The following TENM4 variants were observed in gnomAD, a reference collection of about 807,000 sequenced individuals.
TENM4 encodes the protein teneurin transmembrane protein 4.
In TENM4, 82 loss-of-function variants were observed where a neutral mutation model predicts 243.3. The ratio of observed to expected loss-of-function variants is 0.34; its 90% CI spans 0.28 to 0.40. The LOEUF (loss-of-function observed/expected upper bound fraction) is 0.40, where lower values mean the gene tolerates loss of function less well. Among genes scored for constraint, TENM4 ranks in the 10% least tolerant of loss-of-function variants. The probability of loss-of-function intolerance (pLI) is 1.00; values close to 1 mark genes in which losing one functional copy is unlikely to be tolerated. For missense variants in TENM4, 3,138 were observed against 3,673.3 expected, an observed-to-expected ratio of 0.85 and a Z score of 3.77; for synonymous variants, 1,412 against 1,456.3, an observed-to-expected ratio of 0.97 and a Z score of 0.69.
chr11:79,275,558 T>G (rs1205105006), intron 2 of TENM4, among the ~76,000 whole-genome samples: 1 of 152,212 alleles, frequency 6.6e-6, no homozygotes, highest in Non-Finnish European at 1.5e-5. Context: ...TTTCCTCATT[T>G]TCCTGCTAGC....
intron 1 of TENM4, among the ~76,000 whole-genome samples, chr11:79,313,797 C>T (rs1218661398): frequency 2.6e-5 from 4 of 152,126 alleles, no homozygotes; most frequent in African/African-American, 2.4e-5. Context: ...CTGCCTCGGA[C>T]TCATCTCCCC....
intron 3 of TENM4, among the ~76,000 whole-genome samples, chr11:79,151,505 T>C (rs771288896): frequency 3.9e-5 from 6 of 152,174 alleles, no homozygotes; most frequent in Non-Finnish European, 5.9e-5. Flanking sequence ...CTAGAAGTTG[T>C]GGTGTTTGGG....
At chr11:79,383,857 C>A (rs1442897746) in intron 1 of TENM4, among the ~76,000 whole-genome samples, 5 of 152,162 alleles carry the variant, frequency 3.3e-5, no homozygotes, top group Non-Finnish European at 5.9e-5. Context: ...GTGTGTCAAG[C>A]CTTGAACAAG....
chr11:79,115,306 G>A (rs1275714995), intron 4 of TENM4, among the ~76,000 whole-genome samples: 1 of 152,112 alleles, frequency 6.6e-6, no homozygotes, highest in African/African-American at 2.4e-5. Flanking sequence ...CAGAGGAGAG[G>A]GCTGGGGAGG....
Position 78,732,498 on chromosome 11 carries a change from G to C in TENM4, c.2956C>G (p.Leu986Val), listed in dbSNP as rs1458189779. The change falls in exon 21 of 34, where the codon CTG becomes GTG. Residue 986 changes from leucine to valine, a missense_variant. Physicochemically the swap from Leu to Val is conservative, Grantham distance 32. This residue lies in a region of TENM4 where 2,467 missense variants were observed against 3,059.1 expected (regional missense o/e 0.81). Coordinates refer to ENST00000278550, the MANE Select transcript of TENM4 (RefSeq NM_001098816.3). ...AAGAAGCGATCCCATGGCAGCCACA[G>C]GGTGTGCTCCTGTGTGATGAAAGGT... ...RAPFITQEHT[L>V]WLPWDRFFVM... 3 of 1,613,736 alleles carry C rather than the reference G, an allele frequency of 1.9e-6. No individual in the cohort carries two copies.
chr11:78,764,667 G>T, intron 18 of TENM4, among the ~76,000 whole-genome samples: 1 of 152,220 alleles, frequency 6.6e-6, no homozygotes, highest in Admixed American at 6.5e-5. Flanking sequence ...CAGGGAACAT[G>T]CCTGTTAACG....
At chr11:79,427,122 A>C (rs1352594011) in intron 1 of TENM4, among the ~76,000 whole-genome samples, 1 of 152,188 alleles carries the variant, frequency 6.6e-6, no homozygotes, top group Non-Finnish European at 1.5e-5. Context: ...AACTCCCTAC[A>C]CAACACAAGA....
chr11:79,224,901 A>C (rs1331031932), intron 2 of TENM4, among the ~76,000 whole-genome samples: 1 of 151,652 alleles, frequency 6.6e-6, no homozygotes, highest in Non-Finnish European at 1.5e-5. Flanking sequence ...CAGTGAGCAA[A>C]GATTGTGCCA....
At chr11:78,762,338 T>A (rs1392424074) in intron 18 of TENM4, among the ~76,000 whole-genome samples, 2 of 152,236 alleles carry the variant, frequency 1.3e-5, no homozygotes, top group African/African-American at 4.8e-5. Flanking sequence ...GGCCCCTCCC[T>A]ACACGCACAT....
intron 12 of TENM4, among the ~76,000 whole-genome samples, chr11:78,853,035 G>A (rs543596725): frequency 6.6e-6 from 1 of 152,154 alleles, no homozygotes; most frequent in Admixed American, 6.5e-5. Flanking sequence ...ATTATAGTAT[G>A]AGCCACCACA....
intron 2 of TENM4, among the ~76,000 whole-genome samples, chr11:79,234,033 A>C (rs1864419542): frequency 6.6e-6 from 1 of 152,224 alleles, no homozygotes; most frequent in Non-Finnish European, 1.5e-5. Context: ...GGACTCAGGC[A>C]GACCTGGGTT....
chr11:78,766,340 T>C (rs1856538936), intron 18 of TENM4, among the ~76,000 whole-genome samples: 1 of 152,206 alleles, frequency 6.6e-6, no homozygotes, highest in African/African-American at 2.4e-5. Context: ...TGGGGCATGG[T>C]GTCACCATCT....
intron 3 of TENM4, among the ~76,000 whole-genome samples, chr11:79,159,282 G>A (rs1862692139): frequency 1.3e-5 from 2 of 152,062 alleles, no homozygotes; most frequent in Admixed American, 6.5e-5. Context: ...TCAAACTATC[G>A]ATTGATCACC....
At chr11:78,731,116 C>G (rs1323730987) in intron 21 of TENM4, among the ~76,000 whole-genome samples, 3 of 152,182 alleles carry the variant, frequency 2.0e-5, no homozygotes, top group Non-Finnish European at 4.4e-5. Flanking sequence ...CGTGCAGGCA[C>G]CCAGCTCAGG....
chr11:78,996,074 C>T (rs2136682095), intron 6 of TENM4, among the ~76,000 whole-genome samples: 1 of 152,268 alleles, frequency 6.6e-6, no homozygotes, highest in South Asian at 2.1e-4. Context: ...TAGGAACAGC[C>T]TCAAAAACTA....
At chr11:79,241,843 CCT>C (rs1855426857) in intron 2 of TENM4, among the ~76,000 whole-genome samples, 1 of 152,140 alleles carries the variant, frequency 6.6e-6, no homozygotes, top group African/African-American at 2.4e-5. Flanking sequence ...CCCACTCATC[CCT>C]GAGCTGGTAA....
At chr11:79,357,304 A>G (rs1313512077) in intron 1 of TENM4, among the ~76,000 whole-genome samples, 2 of 152,236 alleles carry the variant, frequency 1.3e-5, no homozygotes, top group Non-Finnish European at 2.9e-5. Context: ...CCTGTGTTGC[A>G]GATTTGGTTC....
At chr11:79,107,215 C>A (rs1360168292) in intron 4 of TENM4, among the ~76,000 whole-genome samples, 1 of 152,146 alleles carries the variant, frequency 6.6e-6, no homozygotes, top group Non-Finnish European at 1.5e-5. Flanking sequence ...CTATGGCATG[C>A]TGCTTCTCAC....
At chr11:78,748,747 A>T (rs1316844758) in intron 19 of TENM4, among the ~76,000 whole-genome samples, 2 of 152,186 alleles carry the variant, frequency 1.3e-5, no homozygotes, top group Non-Finnish European at 2.9e-5. Flanking sequence ...TCTGCCAGAG[A>T]TTTAAAGGTG....
Sources: allele counts gnomAD v4.1 joint callset (sites outside exome capture counted in the v4.1 genomes callset), GRCh38; gene constraint gnomAD v4.1.1; regional missense constraint gnomAD v4.1.1; transcripts MANE v1.5; gene names NCBI Gene and HGNC (gene_info 2026-07-23, HGNC 2026-07-21).